Variants in GLCCI1 observed in about 807,000 individuals in gnomAD.
GLCCI1 encodes the protein glucocorticoid induced 1.
GLCCI1 carries 24 observed loss-of-function variants against 52.2 expected under a neutral mutation model. That is an observed-to-expected ratio of 0.46 (90% confidence interval 0.33 to 0.65). GLCCI1 has a LOEUF of 0.65. Ranked by LOEUF, GLCCI1 falls within the 30% of genes least tolerant of loss-of-function variation. The pLI, the probability that GLCCI1 is intolerant of heterozygous loss-of-function variation, is 0.02. For synonymous variants in GLCCI1, 310 were observed against 276.5 expected, an observed-to-expected ratio of 1.12 and a Z score of -1.20; for missense variants, 704 against 701.5, an observed-to-expected ratio of 1.00 and a Z score of -0.04.
chr7:8,066,374 C>A (rs112046930), intron 5 of GLCCI1, among the ~76,000 whole-genome samples: 1 of 151,954 alleles, frequency 6.6e-6, no homozygotes, highest in Non-Finnish European at 1.5e-5. Flanking sequence ...TTTTGCATCT[C>A]AGTTTCTTTC....
intron 3 of GLCCI1, among the ~76,000 whole-genome samples, chr7:8,048,163 C>T (rs902500753): frequency 1.1e-4 from 16 of 152,134 alleles, no homozygotes; most frequent in African/African-American, 3.9e-4. Flanking sequence ...TTAAAGTTGA[C>T]TTTCTCTTAC....
intron 1 of GLCCI1, among the ~76,000 whole-genome samples, chr7:7,978,255 C>A (rs1780536456): frequency 6.6e-6 from 1 of 152,116 alleles, no homozygotes; most frequent in African/African-American, 2.4e-5. Flanking sequence ...TCATATTTGG[C>A]AATGTAAACT....
chr7:8,044,241 G>C (rs1782070660), intron 3 of GLCCI1, among the ~76,000 whole-genome samples: 1 of 152,116 alleles, frequency 6.6e-6, no homozygotes, highest in African/African-American at 2.4e-5. Context: ...CACCGTGCCT[G>C]GCCAAGGCAC....
At chr7:8,016,533 C>T (rs752253690) in intron 2 of GLCCI1, among the ~76,000 whole-genome samples, 13 of 152,052 alleles carry the variant, frequency 8.5e-5, no homozygotes, top group African/African-American at 2.7e-4. Context: ...TCATAGTTTA[C>T]GGTATGGTAT....
chr7:8,083,789 C>CT (rs1456235396), intron 6 of GLCCI1, among the ~76,000 whole-genome samples: 8 of 152,160 alleles, frequency 5.3e-5, no homozygotes, highest in African/African-American at 1.9e-4. Flanking sequence ...TCACAAGACT[C>CT]TAACAAGCAT....
chr7:8,014,705 G>A (rs1208808655), intron 2 of GLCCI1, among the ~76,000 whole-genome samples: 1 of 152,076 alleles, frequency 6.6e-6, no homozygotes, highest in African/African-American at 2.4e-5. Flanking sequence ...TATGTTTTTG[G>A]ATTGTAGCAC....
chr7:8,013,078 G>T (rs755987777), intron 2 of GLCCI1, among the ~76,000 whole-genome samples: 1 of 152,110 alleles, frequency 6.6e-6, no homozygotes, highest in Non-Finnish European at 1.5e-5. Context: ...TCAATTTACC[G>T]TATATGCTAG....
chr7:8,002,695 A>G (rs1781072599), intron 1 of GLCCI1, among the ~76,000 whole-genome samples: 1 of 152,218 alleles, frequency 6.6e-6, no homozygotes, highest in African/African-American at 2.4e-5. Context: ...ATTTTGTTTG[A>G]TGTGAGATAT....
intron 3 of GLCCI1, among the ~76,000 whole-genome samples, chr7:8,023,089 T>C (rs956410597): frequency 1.4e-4 from 22 of 152,094 alleles, no homozygotes; most frequent in African/African-American, 5.3e-4. Flanking sequence ...AATCTTGGCT[T>C]ACTGCAAGCT....
intron 2 of GLCCI1, among the ~76,000 whole-genome samples, chr7:8,014,046 A>G (rs867407052): frequency 1.3e-5 from 2 of 150,870 alleles, no homozygotes; most frequent in Admixed American, 6.6e-5. Flanking sequence ...CTGGAGTGCA[A>G]TGGCACTGTC....
At chr7:8,084,867 C>T in intron 6 of GLCCI1, 30 bp from the exon 7 acceptor site, 2 of 1,606,296 alleles carry the variant, frequency 1.2e-6, no homozygotes, top group South Asian at 2.2e-5. Flanking sequence ...CTTTCAATCA[C>T]TAGTTAATAT....
chr7:8,071,036 GCAGT>G lies in GLCCI1; in HGVS notation c.1085_1088del (p.Ser362IlefsTer64). On this transcript the variant is annotated frameshift_variant, in exon 6 of 8. Transcript: ENST00000223145. LOFTEE classifies it high-confidence loss of function. The stretch of plus-strand genomic sequence containing the variant: ...GTCCAGGAGCGCAGCAGTAGCTGCA[GCAGT>G]CATTCACCCTGTGTCTCCCCTTTTT... 1 of 1,614,172 alleles carries G rather than the reference GCAGT, an allele frequency of 6.2e-7. No homozygotes were observed. The highest frequency in any genetic ancestry group is 8.5e-7 in the Non-Finnish European group (1 of 1,180,014).
In GLCCI1 at chr7:8,037,783, GA is replaced by G. The variant is rs201821039; in HGVS notation, c.696+15221del. On this transcript the variant is annotated intron_variant, in intron 3 of 7. Transcript: ENST00000223145. ...ATAAAACAGATTTTAAATCAACAGG[GA>G]AAAAAAGATAAGGTCATTATATAAT... is the stretch of plus-strand genomic sequence containing the variant. 2.5e-3 allele frequency among the ~76,000 whole-genome samples: 377 copies of G among 151,702 alleles called. 3 individuals carry two copies. Among genetic ancestry groups the G allele is most frequent in the African/African-American group, 8.2e-3 (339 of 41,408 alleles).
At chr7:8,056,115 T>C (rs1350317354) in intron 4 of GLCCI1, among the ~76,000 whole-genome samples, 1 of 151,504 alleles carries the variant, frequency 6.6e-6, no homozygotes, top group African/African-American at 2.4e-5. Context: ...CTGGCCAACA[T>C]AGTGAAACCC....
chr7:7,975,745 T>C (rs970164437), intron 1 of GLCCI1, among the ~76,000 whole-genome samples: 1 of 152,208 alleles, frequency 6.6e-6, no homozygotes, highest in Non-Finnish European at 1.5e-5. Flanking sequence ...CATTTCTTTC[T>C]TGCATATAAG....
At chr7:7,976,505 G>GAAAAAAAA (rs1562413230) in intron 1 of GLCCI1, among the ~76,000 whole-genome samples, 40 of 87,526 alleles carry the variant, frequency 4.6e-4, no homozygotes, top group African/African-American at 7.5e-4. Context: ...AAAAGGAAAG[G>GAAAAAAAA]AAAAAGGAAA....
intron 2 of GLCCI1, among the ~76,000 whole-genome samples, chr7:8,014,507 T>C (rs1189535337): frequency 6.6e-6 from 1 of 152,234 alleles, no homozygotes; most frequent in Non-Finnish European, 1.5e-5. Flanking sequence ...TCTATATTTG[T>C]TTATTATTCA....
intron 1 of GLCCI1, among the ~76,000 whole-genome samples, chr7:7,977,219 G>A (rs898647622): frequency 2.0e-5 from 3 of 152,124 alleles, no homozygotes; most frequent in African/African-American, 7.2e-5. Context: ...CGAACTCCTT[G>A]TGGCTTGATT....
intron 1 of GLCCI1, 49 bp from the exon 2 acceptor site, chr7:8,003,859 A>C (rs2115426872): frequency 1.3e-6 from 2 of 1,538,084 alleles, no homozygotes; most frequent in Middle Eastern, 1.7e-4. Context: ...GATAACTTTA[A>C]ATTTTATTTT....
Sources: gnomAD v4.1 joint callset for allele counts (sites outside exome capture counted in the v4.1 genomes callset) on GRCh38, gnomAD v4.1.1 for gene constraint, MANE v1.5 for transcripts, NCBI Gene and HGNC (gene_info 2026-07-23, HGNC 2026-07-21) for gene names.